NUP210L: variants seen among roughly 807,000 people sequenced by gnomAD.
The protein encoded by NUP210L is nuclear pore membrane glycoprotein 210-like.
NUP210L carries 74 observed loss-of-function variants against 208.5 expected under a neutral mutation model. That is an observed-to-expected ratio of 0.35 (90% CI 0.29 to 0.43). The LOEUF (loss-of-function observed/expected upper bound fraction) is 0.43. NUP210L is among the 20% of genes least tolerant of loss of function. NUP210L has a pLI of 1.00. For synonymous variants in NUP210L, 780 were observed against 816.9 expected (o/e 0.95, Z 0.77); for missense variants, 1,843 against 2,289.4 (o/e 0.81, Z 3.98).
rs1245997865 is a variant in NUP210L, at chr1:154,061,524, A to G, written c.2643+62T>C. On this transcript the variant is annotated intron_variant, in intron 18 of 39. Coordinates refer to ENST00000368559, the Ensembl canonical transcript of NUP210L. ...GCTTTATGTAAGTTGTACAACTTTT[A>G]AAGAAGAGCTTTACATTCCAATTAT... 3 of 1,013,132 alleles carry G rather than the reference A, an allele frequency of 3.0e-6. No individual in the cohort carries two copies. In the African/African-American group the frequency reaches 5.0e-5, roughly 17 times the overall value. The allele number at this position is 1,013,132 out of a possible 1,614,324, so 62.8% of individuals were successfully genotyped here.
In NUP210L at chr1:154,127,433, G is replaced by GA. The variant is rs777182060; in HGVS notation, c.1079-17dup. 1 of 1,233,716 alleles carries GA rather than the reference G, an allele frequency of 8.1e-7. No homozygotes were observed. The highest frequency in any genetic ancestry group is 1.3e-5 in the South Asian group (1 of 74,810). The allele number at this position is 1,233,716 out of a possible 1,614,324, so 76.4% of individuals were successfully genotyped here. On this transcript the variant is annotated splice_polypyrimidine_tract_variant and intron_variant, in intron 8 of 39. Transcript: ENST00000368559. Reference sequence around the variant, plus strand: ...ACAGTGAAACCTATACACAAATCAAGAAACAAAAATATTAGAAGAGGCTAA... The same window carrying GA: ...ACAGTGAAACCTATACACAAATCAAGAAAACAAAAATATTAGAAGAGGCTAA...
chr1:153,994,065 A>T (rs1235586373), intron 38 of NUP210L, among the ~76,000 whole-genome samples: 1 of 147,312 alleles, frequency 6.8e-6, no homozygotes, highest in Non-Finnish European at 1.5e-5. Flanking sequence ...TTTTTTGTAG[A>T]GATGGAGTCT....
chr1:154,069,889 G>C (rs1330870264), intron 17 of NUP210L, among the ~76,000 whole-genome samples: 1 of 152,094 alleles, frequency 6.6e-6, no homozygotes, highest in Non-Finnish European at 1.5e-5. Flanking sequence ...GGATGAGTTC[G>C]TGTCCTTTGT....
At chr1:154,043,124 A>C (rs1383642320) in intron 27 of NUP210L, among the ~76,000 whole-genome samples, 2 of 146,126 alleles carry the variant, frequency 1.4e-5, no homozygotes, top group African/African-American at 5.1e-5. Flanking sequence ...GGTTCAAGGA[A>C]TCCTCCTGCC....
intron 7 of NUP210L, 32 bp downstream of exon 7, chr1:154,135,782 G>C: frequency 6.3e-7 from 1 of 1,587,450 alleles, no homozygotes; most frequent in South Asian, 1.1e-5. Context: ...AGGAAGTGTA[G>C]ACTGGCAGCT....
At chr1:154,070,146 C>T (rs1654634867) in intron 17 of NUP210L, 127 bp downstream of exon 17, 1 of 694,476 alleles carries the variant, frequency 1.4e-6, no homozygotes, top group Non-Finnish European at 2.4e-6. Flanking sequence ...CACATGTATA[C>T]ATATGTAACA....
In NUP210L at chr1:153,996,954, A is replaced by G. The variant is rs531261778; in HGVS notation, c.5387-1774T>C. Among the ~76,000 whole-genome samples, 275 of 146,288 alleles carry G rather than the reference A, an allele frequency of 1.9e-3. 2 individuals are homozygous for G. Among genetic ancestry groups the G allele is most frequent in the African/African-American group, 6.7e-3 (265 of 39,600 alleles). ...GTAACTAGGACTACAGGTGCACACC[A>G]TCATGTCCGACTTTTTTTTTGTTTT... is the stretch of plus-strand genomic sequence containing the variant. On this transcript the variant is annotated intron_variant, in intron 37 of 39. Transcript: ENST00000368559.
At chr1:154,153,336 G>A (rs1189416671) in intron 1 of NUP210L, among the ~76,000 whole-genome samples, 1 of 152,040 alleles carries the variant, frequency 6.6e-6, no homozygotes, top group Non-Finnish European at 1.5e-5. Context: ...TTTTGAGACC[G>A]AGTCACTTTG....
exon 34 of NUP210L, chr1:154,012,270 G>A: frequency 1.2e-6 from 2 of 1,613,728 alleles, no homozygotes; most frequent in East Asian, 2.2e-5. Context: ...ATTTCTGCCA[G>A]TGGTGATGAA....
exon 31 of NUP210L, chr1:154,023,264 G>C (rs1464200888): frequency 6.2e-7 from 1 of 1,612,110 alleles, no homozygotes; most frequent in Non-Finnish European, 8.5e-7. Flanking sequence ...AGCTTGGGTT[G>C]GCTGCTCACT....
rs760869296 is a variant in NUP210L, at chr1:154,095,049, CA to C, written c.2072del (p.Leu691TrpfsTer3). 1 of 1,613,382 alleles carries C rather than the reference CA, an allele frequency of 6.2e-7. No individual in the cohort carries two copies. Among genetic ancestry groups the C allele is most frequent in the Non-Finnish European group, 8.5e-7 (1 of 1,179,572 alleles). On this transcript the variant is annotated frameshift_variant, in exon 15 of 40. Transcript: ENST00000368559. LOFTEE classifies it high-confidence loss of function. ...TCTCTGTCTTCTCCGCATTCAATTC[CA>C]AAAAAAATCGGGAGGGCTCCAAGAT... is the stretch of plus-strand genomic sequence containing the variant.
chr1:154,083,627 GA>G (rs1655468818), intron 16 of NUP210L, among the ~76,000 whole-genome samples: 1 of 152,060 alleles, frequency 6.6e-6, no homozygotes, highest in Admixed American at 6.6e-5. Flanking sequence ...TCTGCTGCTT[GA>G]TGTGTGGGGA....
At chr1:154,050,143 T>G (rs1319060307) in intron 25 of NUP210L, among the ~76,000 whole-genome samples, 2 of 152,174 alleles carry the variant, frequency 1.3e-5, no homozygotes, top group Non-Finnish European at 2.9e-5. Flanking sequence ...TACTCCTTAC[T>G]CCTACTTAGG....
At chr1:154,095,213 A>T (rs1354927164) in intron 14 of NUP210L, 57 bp from the exon 15 acceptor site, 1 of 1,274,986 alleles carries the variant, frequency 7.8e-7, no homozygotes, top group Non-Finnish European at 1.1e-6. Flanking sequence ...ATAATTTTCT[A>T]AAGTGAAACA....
At chr1:154,063,165 G>A (rs1654227534) in intron 17 of NUP210L, among the ~76,000 whole-genome samples, 1 of 152,174 alleles carries the variant, frequency 6.6e-6, no homozygotes, top group South Asian at 2.1e-4. Flanking sequence ...AGTGTGATAA[G>A]TGCTATTATA....
chr1:154,061,083 A>T (rs767283100), intron 18 of NUP210L, 37 bp from the exon 19 acceptor site: 2 of 1,468,848 alleles, frequency 1.4e-6, no homozygotes, highest in Non-Finnish European at 1.9e-6. Flanking sequence ...GTGAATATAA[A>T]CATCTAATTC....
chr1:154,040,635 G>A (rs1308186631), intron 27 of NUP210L, among the ~76,000 whole-genome samples: 1 of 150,668 alleles, frequency 6.6e-6, no homozygotes, highest in Non-Finnish European at 1.5e-5. Context: ...CGCCCAGGCT[G>A]GAGTGCAGTG....
At chr1:154,125,740 AGGGAGGG>A (rs1657907900) in intron 10 of NUP210L, among the ~76,000 whole-genome samples, 1 of 13,402 alleles carries the variant, frequency 7.5e-5, no homozygotes, top group African/African-American at 1.6e-4. Context: ...GAAGGAAGGG[AGGGAGGG>A]AAATGTTTTT....
intron 25 of NUP210L, among the ~76,000 whole-genome samples, chr1:154,050,070 T>C (rs1653405194): frequency 6.6e-6 from 1 of 152,176 alleles, no homozygotes; most frequent in Non-Finnish European, 1.5e-5. Flanking sequence ...AATATTATGA[T>C]CATTTACAAA....
Sources: allele counts gnomAD v4.1 joint callset (sites outside exome capture counted in the v4.1 genomes callset), GRCh38; gene constraint gnomAD v4.1.1; transcripts MANE v1.5; gene names NCBI Gene and HGNC (gene_info 2026-07-23, HGNC 2026-07-21).